Variants in ANKS1A observed in about 807,000 individuals in gnomAD.
The protein encoded by ANKS1A is ankyrin repeat and SAM domain-containing protein 1A.
A neutral mutation model predicts 120.3 loss-of-function variants in ANKS1A; 55 were observed. The ratio of observed to expected loss-of-function variants is 0.46; its 90% CI spans 0.37 to 0.57. ANKS1A has a LOEUF of 0.57. ANKS1A is among the 20% of genes least tolerant of loss of function. The pLI is 0.00. For missense variants in ANKS1A, 1,123 were observed against 1,480.3 expected (o/e 0.76, Z 3.96); for synonymous variants, 590 against 604.7 (o/e 0.98, Z 0.36).
chr6:34,915,072 G>A (rs569409742), intron 1 of ANKS1A, among the ~76,000 whole-genome samples: 4 of 152,282 alleles, frequency 2.6e-5, no homozygotes, highest in Admixed American at 6.5e-5. Flanking sequence ...TTTGCCTATC[G>A]TATATATAGA....
At chr6:35,030,662 A>G (rs1308349556) in intron 11 of ANKS1A, among the ~76,000 whole-genome samples, 1 of 152,202 alleles carries the variant, frequency 6.6e-6, no homozygotes, top group Non-Finnish European at 1.5e-5. Flanking sequence ...GAAATAATGA[A>G]AAATCCTTTC....
intron 11 of ANKS1A, among the ~76,000 whole-genome samples, chr6:35,032,388 G>T (rs61226080): frequency 1.6e-4 from 25 of 152,326 alleles, no homozygotes; most frequent in African/African-American, 5.5e-4. Context: ...AGCTCTTTCC[G>T]CAGGCACTAC....
At chr6:35,013,694 CAG>C (rs1773874283) in intron 10 of ANKS1A, among the ~76,000 whole-genome samples, 1 of 152,258 alleles carries the variant, frequency 6.6e-6, no homozygotes, top group Non-Finnish European at 1.5e-5. Flanking sequence ...GGGCCTGTCT[CAG>C]AGTTTCTCAC....
intron 7 of ANKS1A, among the ~76,000 whole-genome samples, chr6:34,984,307 T>C (rs1436317685): frequency 6.6e-6 from 1 of 151,966 alleles, no homozygotes; most frequent in Admixed American, 6.5e-5. Flanking sequence ...TCCCCAAATA[T>C]AGATTACAAT....
chr6:34,965,687 A>G (rs1005910847), intron 1 of ANKS1A, among the ~76,000 whole-genome samples: 3 of 151,932 alleles, frequency 2.0e-5, no homozygotes, highest in Non-Finnish European at 2.9e-5. Flanking sequence ...AACACTAAGC[A>G]TAAAGGCTCT....
At chr6:35,063,085 C>G (rs1362872974) in intron 13 of ANKS1A, among the ~76,000 whole-genome samples, 1 of 152,214 alleles carries the variant, frequency 6.6e-6, no homozygotes, top group Non-Finnish European at 1.5e-5. Context: ...GTCTTGCTTA[C>G]AGACAGAAAG....
In ANKS1A at chr6:35,081,115, A is replaced by G; in HGVS notation, c.2666A>G (p.His889Arg). The G allele has an allele frequency of 6.2e-7, 1 of 1,613,400 alleles. No homozygotes were observed. Among genetic ancestry groups the G allele is most frequent in the Non-Finnish European group, 8.5e-7 (1 of 1,179,904 alleles). The stretch of plus-strand genomic sequence containing the variant: ...GGCAGGAGGCGCCATGACAGTCTCC[A>G]TGACCCTGCGGCACCCTCCCGAGCG... ...DTGRRRHDSLHDPAAPSRAER... is the reference protein window; with the variant it reads ...DTGRRRHDSLRDPAAPSRAER... The change falls in exon 17 of 24, where the codon CAT becomes CGT. Residue 889 changes from histidine (H) to arginine (R), a missense_variant. Around this residue, in one of 3 missense-constraint regions of ANKS1A, gnomAD observed 904 missense variants for 1,130.4 expected, o/e 0.80. Transcript: ENST00000360359.
Position 35,090,120 on chromosome 6 carries a change from C to T in ANKS1A, c.*1511C>T. On this transcript the variant is annotated 3_prime_UTR_variant, in exon 24 of 24. Transcript: ENST00000360359. The stretch of plus-strand genomic sequence containing the variant: ...CTGCTAAGCACCCAGCAGGTTGGGG[C>T]CTGGGACTCAGCTCTCTCTGCGGTA... The T allele has an allele frequency of 7.8e-7, 1 of 1,289,340 alleles. No homozygotes were observed. Among genetic ancestry groups the T allele is most frequent in the African/African-American group, 1.5e-5 (1 of 66,010 alleles). 79.9% of individuals were successfully genotyped at this position (1,289,340 alleles called of 1,614,324 possible).
At position 35,057,755 on chromosome 6, in the gene ANKS1A, A is replaced by T. The variant is rs879749480; in HGVS notation, c.2078-2392A>T. Among the ~76,000 whole-genome samples the T allele has an allele frequency of 6.6e-5, 10 of 152,230 alleles. No individual in the cohort carries two copies. Among genetic ancestry groups the T allele is most frequent in the Admixed American group, 6.5e-5 (1 of 15,280 alleles). On this transcript the variant is annotated intron_variant, in intron 12 of 23. Coordinates refer to ENST00000360359, the MANE Select transcript of ANKS1A (RefSeq NM_015245.3). This position sits in a 1 kb window ranked among gnomAD's most constrained non-coding sequence, Gnocchi z 4.1. ...TGTTTGGTATACTCACCTAAGGAACATCAAGTGTAACGGCCTTATTTCATT... is the reference window on the plus strand; with the variant it reads ...TGTTTGGTATACTCACCTAAGGAACTTCAAGTGTAACGGCCTTATTTCATT...
intron 1 of ANKS1A, among the ~76,000 whole-genome samples, chr6:34,957,615 G>A (rs577140550): frequency 3.9e-5 from 6 of 152,194 alleles, no homozygotes; most frequent in Admixed American, 6.5e-5. Flanking sequence ...ATGAAGAATT[G>A]TTGGAGAGCT....
chr6:35,083,330 G>A (rs1777789855), intron 19 of ANKS1A, 87 bp from the exon 20 acceptor site: 1 of 1,596,288 alleles, frequency 6.3e-7, no homozygotes, highest in Non-Finnish European at 8.6e-7. Flanking sequence ...ACTATGTAAG[G>A]ATGGGAAGGA....
Position 34,889,945 on chromosome 6 carries a change from CTTAT to C in ANKS1A, c.197+347_197+350del, listed in dbSNP as rs765831121. ...GCCAATTAAGAGCAAATATGTATAT[CTTAT>C]ATATATATATATGAGATCTCCCTCA... On this transcript the variant is annotated intron_variant, in intron 1 of 23. Coordinates refer to ENST00000360359, the MANE Select transcript of ANKS1A (RefSeq NM_015245.3). The surrounding 1 kb of genome is among the most constrained non-coding windows in gnomAD (Gnocchi z 5.5). Among the ~76,000 whole-genome samples, 1 of 151,824 alleles carries C rather than the reference CTTAT, an allele frequency of 6.6e-6. No individual in the cohort carries two copies. The highest frequency in any genetic ancestry group is 1.9e-4 in the East Asian group (1 of 5,138).
chr6:35,004,231 T>C (rs145426505), intron 10 of ANKS1A, among the ~76,000 whole-genome samples: 35 of 152,312 alleles, frequency 2.3e-4, no homozygotes, highest in African/African-American at 8.4e-4. Context: ...AGCCTGCTGA[T>C]GCTCCCAGCT....
rs77084888 is a variant in ANKS1A at position 34,945,101 on chromosome 6, G to C, written c.198-22138G>C. On this transcript the variant is annotated intron_variant, in intron 1 of 23. Coordinates refer to ENST00000360359, the MANE Select transcript of ANKS1A (RefSeq NM_015245.3). ...TATTTTATTTTATTATTTGAAATAG[G>C]GTCTTACTCTGTCACCCAGGCTGGA... Among the ~76,000 whole-genome samples the C allele has an allele frequency of 2.0e-3, 311 of 151,954 alleles. 1 individual carries two copies. The highest frequency in any genetic ancestry group is 2.9e-3 in the South Asian group (14 of 4,802).
At chr6:35,003,986 A>G (rs1358905614) in intron 10 of ANKS1A, among the ~76,000 whole-genome samples, 3 of 152,228 alleles carry the variant, frequency 2.0e-5, no homozygotes, top group Non-Finnish European at 4.4e-5. Context: ...TAAGCCTGGT[A>G]GTTAAAATTC....
intron 11 of ANKS1A, among the ~76,000 whole-genome samples, chr6:35,023,169 C>A (rs1561920683): frequency 6.6e-6 from 1 of 152,144 alleles, no homozygotes; most frequent in African/African-American, 2.4e-5. Flanking sequence ...AGTAAACAGT[C>A]CTTCCCTTTG....
intron 23 of ANKS1A, 43 bp from the exon 24 acceptor site, chr6:35,088,563 A>C (rs767810721): frequency 1.9e-6 from 3 of 1,612,534 alleles, no homozygotes; most frequent in Non-Finnish European, 2.5e-6. Flanking sequence ...CGCAGGCCCC[A>C]TTGGTTAACC....
In ANKS1A at chr6:35,044,798, A is replaced by G. The variant is rs1775636622; in HGVS notation, c.2011-9301A>G. 6.6e-6 allele frequency among the ~76,000 whole-genome samples: 1 copy of G among 152,226 alleles called. No homozygotes were observed. Among genetic ancestry groups the G allele is most frequent in the Non-Finnish European group, 1.5e-5 (1 of 68,040 alleles). On this transcript the variant is annotated intron_variant, in intron 11 of 23. Coordinates refer to ENST00000360359, the MANE Select transcript of ANKS1A (RefSeq NM_015245.3). This position sits in a 1 kb window ranked among gnomAD's most constrained non-coding sequence, Gnocchi z 4.4. ...TTTGATTAACTTGTTTTTTAGATAGAATTTTGTTTATTTTGGAACCAGATA... is the reference window on the plus strand; with the variant it reads ...TTTGATTAACTTGTTTTTTAGATAGGATTTTGTTTATTTTGGAACCAGATA...
chr6:35,003,302 T>C (rs539944720), intron 10 of ANKS1A, among the ~76,000 whole-genome samples: 1 of 152,220 alleles, frequency 6.6e-6, no homozygotes, highest in African/African-American at 2.4e-5. Context: ...AAATCATCAC[T>C]GATAAAACCG....
Sources: allele counts gnomAD v4.1 joint callset (sites outside exome capture counted in the v4.1 genomes callset), GRCh38; gene constraint gnomAD v4.1.1; regional missense constraint gnomAD v4.1.1; non-coding constraint Gnocchi (gnomAD v3.1); transcripts MANE v1.5; gene names NCBI Gene and HGNC (gene_info 2026-07-23, HGNC 2026-07-21).